Variants in ME3 observed in about 807,000 individuals in gnomAD.
ME3 encodes NADP-dependent malic enzyme, mitochondrial.
Under a neutral mutation model 68.9 loss-of-function variants are expected in ME3, and 48 were observed. The observed-to-expected ratio is 0.70, with a 90% CI of 0.55 to 0.89. The LOEUF (loss-of-function observed/expected upper bound fraction) is 0.89, where lower values mean the gene tolerates loss of function less well. Among genes scored for constraint, ME3 ranks in the 40% least tolerant of loss-of-function variants. The pLI, the probability that ME3 is intolerant of heterozygous loss-of-function variation, is 0.00. For missense variants in ME3, 675 were observed against 797.4 expected (o/e 0.85, Z 1.85); for synonymous variants, 320 against 318.8 (o/e 1.00, Z -0.04).
chr11:86,518,517 AT>A (rs1954046473), intron 4 of ME3, among the ~76,000 whole-genome samples: 1 of 152,210 alleles, frequency 6.6e-6, no homozygotes, highest in African/African-American at 2.4e-5. Flanking sequence ...ATCATTCTTC[AT>A]CCAAAATGCA....
intron 6 of ME3, among the ~76,000 whole-genome samples, chr11:86,493,106 G>C (rs566388006): frequency 7.3e-4 from 111 of 152,276 alleles, no homozygotes; most frequent in African/African-American, 2.7e-3. Context: ...GCACCACATG[G>C]TGAATGCTGA....
At chr11:86,531,901 C>A (rs1955265697) in intron 4 of ME3, among the ~76,000 whole-genome samples, 1 of 151,402 alleles carries the variant, frequency 6.6e-6, no homozygotes, top group Non-Finnish European at 1.5e-5. Flanking sequence ...GGGTGCAGCA[C>A]ACCAACATGG....
chr11:86,461,323 G>A (rs748270887), intron 8 of ME3, among the ~76,000 whole-genome samples: 1 of 152,172 alleles, frequency 6.6e-6, no homozygotes, highest in Non-Finnish European at 1.5e-5. Flanking sequence ...AGTGAGGGAG[G>A]GGGGGATGTT....
At chr11:86,571,738 G>A (rs902336154) in intron 2 of ME3, among the ~76,000 whole-genome samples, 1 of 152,228 alleles carries the variant, frequency 6.6e-6, no homozygotes, top group Non-Finnish European at 1.5e-5. Context: ...GAGAAACCCT[G>A]ATCTGCCTTG....
In ME3 at chr11:86,646,453, A is replaced by G. The variant is rs144859504; in HGVS notation, c.183+25309T>C. On this transcript the variant is annotated intron_variant, in intron 2 of 14. Coordinates refer to ENST00000543262, the Ensembl canonical transcript of ME3. ...AATCAAGTGGAATAAAGGATATCAG[A>G]GACTGTAGATTAACTTAGTAAAATA... Among the ~76,000 whole-genome samples, 38 of 152,356 alleles carry G rather than the reference A, an allele frequency of 2.5e-4. No homozygotes were observed. The East Asian group carries it at 6.9e-3, about 28-fold the overall frequency.
intron 4 of ME3, among the ~76,000 whole-genome samples, chr11:86,548,681 G>A (rs546036224): frequency 3.8e-4 from 58 of 152,266 alleles, no homozygotes; most frequent in African/African-American, 1.4e-3. Context: ...GCTCTAATCT[G>A]CAAGAAAAAT....
rs542506206 is a variant in ME3 at position 86,594,699 on chromosome 11, C to A, written c.184-34876G>T. ...TCTCAAAAAACAATACAAAAAAACA[C>A]AAAAAAACAAAAAAACGAAACAAAG... On this transcript the variant is annotated intron_variant, in intron 2 of 14. Transcript: ENST00000543262. 8.7e-4 allele frequency among the ~76,000 whole-genome samples: 126 copies of A among 145,018 alleles called. 12 individuals carry two copies. Among genetic ancestry groups the A allele is most frequent in the Non-Finnish European group, 1.4e-3 (96 of 66,784 alleles).
Position 86,522,361 on chromosome 11 carries a change from C to CTT in ME3, c.468-13496_468-13495dup, listed in dbSNP as rs139483078. On this transcript the variant is annotated intron_variant, in intron 4 of 14. Coordinates refer to ENST00000543262, the Ensembl canonical transcript of ME3. ...AATGTAGTGTAATGACTATTTTTTT[C>CTT]TTTTTTTTTTTTTTACATTAGGTTC... Among the ~76,000 whole-genome samples, 513 of 141,636 alleles carry CTT rather than the reference C, an allele frequency of 3.6e-3. 7 individuals are homozygous for CTT. Among genetic ancestry groups the CTT allele is most frequent in the Admixed American group, 0.025 (352 of 14,230 alleles). 92.9% of individuals were successfully genotyped at this position (141,636 alleles called of 152,430 possible). A position where few individuals can be genotyped will look rare whatever the true frequency, so the allele number is the denominator to read the frequency against.
rs1317299682 is a variant in ME3 at position 86,595,849 on chromosome 11, G to T, written c.184-36026C>A. Reference sequence around the variant, plus strand: ...AGAAGCTCCCAGGTATGCTGTTATGGGGAAAGAAGTTGTGTTAGAGGGCAC... The same window carrying T: ...AGAAGCTCCCAGGTATGCTGTTATGTGGAAAGAAGTTGTGTTAGAGGGCAC... On this transcript the variant is annotated intron_variant, in intron 2 of 14. Coordinates refer to ENST00000543262, the Ensembl canonical transcript of ME3. Among the ~76,000 whole-genome samples the T allele has an allele frequency of 2.0e-5, 3 of 152,220 alleles. No individual in the cohort carries two copies. In the East Asian group the frequency reaches 5.8e-4, roughly 29 times the overall value.
intron 2 of ME3, among the ~76,000 whole-genome samples, chr11:86,636,162 TG>T (rs371122080): frequency 6.6e-6 from 1 of 152,084 alleles, no homozygotes; most frequent in Non-Finnish European, 1.5e-5. Flanking sequence ...GTAAATGTGT[TG>T]GGGGCAGGGC....
chr11:86,647,820 A>G (rs1945128251), intron 2 of ME3, among the ~76,000 whole-genome samples: 1 of 152,116 alleles, frequency 6.6e-6, no homozygotes, highest in African/African-American at 2.4e-5. Context: ...AGACTTTAAC[A>G]CCCCACTGTC....
chr11:86,536,182 C>G lies in ME3; in HGVS notation c.467+20371G>C, dbSNP rs1005126303. Among the ~76,000 whole-genome samples the G allele has an allele frequency of 7.2e-5, 11 of 152,168 alleles. No individual in the cohort carries two copies. In the South Asian group the frequency reaches 8.3e-4, roughly 11 times the overall value. On this transcript the variant is annotated intron_variant, in intron 4 of 14. Transcript: ENST00000543262. ...TGGCAGCATTGTATTTGAGTTCACCCTGGAAGAAAACCTAGGCATTACCAT... is the reference window on the plus strand; with the variant it reads ...TGGCAGCATTGTATTTGAGTTCACCGTGGAAGAAAACCTAGGCATTACCAT...
intron 2 of ME3, among the ~76,000 whole-genome samples, chr11:86,608,106 AC>A (rs1233456686): frequency 6.6e-6 from 1 of 152,194 alleles, no homozygotes; most frequent in Non-Finnish European, 1.5e-5. Context: ...TGCAAAAGAA[AC>A]CAAAAAACAA....
At chr11:86,444,027 A>G (rs1949150025) in intron 13 of ME3, among the ~76,000 whole-genome samples, 1 of 152,190 alleles carries the variant, frequency 6.6e-6, no homozygotes. Flanking sequence ...TGGAGAAGCC[A>G]TAGTCTTTTC....
intron 2 of ME3, 149 bp from the exon 3 acceptor site, chr11:86,559,972 G>A (rs758049265): frequency 8.7e-6 from 7 of 808,732 alleles, no homozygotes; most frequent in Non-Finnish European, 1.2e-5. Flanking sequence ...TATTAAAGTA[G>A]GAGGGTCATC....
chr11:86,574,778 TTC>T (rs770348835), intron 2 of ME3, among the ~76,000 whole-genome samples: 18 of 152,210 alleles, frequency 1.2e-4, no homozygotes, highest in African/African-American at 3.9e-4. Flanking sequence ...TACGTCAACT[TTC>T]TCGTAGTCGC....
downstream of ME3, among the ~76,000 whole-genome samples, chr11:86,437,459 A>G (rs1948904243): frequency 6.6e-6 from 1 of 152,124 alleles, no homozygotes; most frequent in African/African-American, 2.4e-5. Context: ...GATCCTTTAC[A>G]TTACCATAAA....
Position 86,441,145 on chromosome 11 carries a change from A to T in ME3, c.*134T>A, listed in dbSNP as rs1948973490. ...GCTTTTATTCACTGTATGCCTTGGC[A>T]TCTCCTCTCACACCAGAAAGTTTAA... On this transcript the variant is annotated 3_prime_UTR_variant, in exon 15 of 15. Coordinates refer to ENST00000543262, the Ensembl canonical transcript of ME3. 12 of 897,738 alleles carry T rather than the reference A, an allele frequency of 1.3e-5. No homozygotes were observed. The East Asian group carries it at 3.5e-4, about 26-fold the overall frequency. The allele number at this position is 897,738 out of a possible 1,614,324, so 55.6% of individuals were successfully genotyped here.
rs1951169922 is a variant in ME3 at position 86,477,820 on chromosome 11, T to TA, written c.809+9516dup. On this transcript the variant is annotated intron_variant, in intron 7 of 14. Coordinates refer to ENST00000543262, the Ensembl canonical transcript of ME3. ...GAAAATGTCCTAGAGAGTTGGGTGC[T>TA]AGTATGCATTTTGATAGTCTCCTAG... Among the ~76,000 whole-genome samples the TA allele has an allele frequency of 2.0e-5, 3 of 152,252 alleles. No individual in the cohort carries two copies. The South Asian group carries it at 6.2e-4, about 32-fold the overall frequency.
Sources: allele counts gnomAD v4.1 joint callset (sites outside exome capture counted in the v4.1 genomes callset), GRCh38; gene constraint gnomAD v4.1.1; transcripts MANE v1.5; gene names NCBI Gene and HGNC (gene_info 2026-07-23, HGNC 2026-07-21).